Variants in CA5A observed in about 807,000 individuals in gnomAD.
The protein encoded by CA5A is carbonic anhydrase 5A, mitochondrial.
CA5A carries 28 observed loss-of-function variants against 37.1 expected under a neutral mutation model. That is an observed-to-expected ratio of 0.75 (90% CI 0.56 to 1.03). The LOEUF (loss-of-function observed/expected upper bound fraction) is 1.03, where lower values mean the gene tolerates loss of function less well. Ranked by LOEUF, CA5A falls within the 50% of genes least tolerant of loss-of-function variation. The pLI is 0.00. For missense variants in CA5A, 444 were observed against 399.9 expected, an observed-to-expected ratio of 1.11 and a Z score of -0.94; for synonymous variants, 171 against 158.4, an observed-to-expected ratio of 1.08 and a Z score of -0.60.
intron 2 of CA5A, among the ~76,000 whole-genome samples, chr16:87,916,932 C>A (rs1246176738): frequency 2.0e-5 from 3 of 151,934 alleles, no homozygotes; most frequent in African/African-American, 7.3e-5. Context: ...GAAACCCCGT[C>A]TTTACTAAAA....
intron 2 of CA5A, among the ~76,000 whole-genome samples, chr16:87,919,739 C>T (rs1186272415): frequency 1.3e-5 from 2 of 152,152 alleles, no homozygotes; most frequent in African/African-American, 4.8e-5. Flanking sequence ...TACTGGAATT[C>T]CTCACTTGGA....
At chr16:87,908,446 C>G (rs568726430) in intron 2 of CA5A, among the ~76,000 whole-genome samples, 3 of 152,198 alleles carry the variant, frequency 2.0e-5, no homozygotes, top group Admixed American at 6.5e-5. Flanking sequence ...AGTTACTACA[C>G]GTTTCTCCTG....
At chr16:87,889,205 C>A (rs1212024106) in intron 6 of CA5A, among the ~76,000 whole-genome samples, 1 of 151,922 alleles carries the variant, frequency 6.6e-6, no homozygotes, top group Non-Finnish European at 1.5e-5. Context: ...AGGCGTTTAG[C>A]CACTGTGCTA....
At chr16:87,933,000 G>T (rs188176585) in intron 1 of CA5A, among the ~76,000 whole-genome samples, 1 of 152,218 alleles carries the variant, frequency 6.6e-6, no homozygotes, top group African/African-American at 2.4e-5. Flanking sequence ...GCCGTGAGAA[G>T]AACAGGCCTC....
intron 1 of CA5A, among the ~76,000 whole-genome samples, chr16:87,928,621 TACA>T (rs2056348587): frequency 6.6e-6 from 1 of 152,196 alleles, no homozygotes; most frequent in Non-Finnish European, 1.5e-5. Context: ...GTTTCCATTG[TACA>T]GTTACGACAC....
chr16:87,928,355 G>A (rs1476485502), intron 1 of CA5A, among the ~76,000 whole-genome samples: 4 of 152,072 alleles, frequency 2.6e-5, no homozygotes, highest in Non-Finnish European at 5.9e-5. Flanking sequence ...GTAGAGACGA[G>A]GTTTCACTAT....
At chr16:87,921,411 A>C (rs188396082) in intron 2 of CA5A, among the ~76,000 whole-genome samples, 30 of 152,290 alleles carry the variant, frequency 2.0e-4, no homozygotes, top group Admixed American at 1.5e-3. Flanking sequence ...CCGTGTGGGC[A>C]CTTTTTCAGG....
chr16:87,916,620 T>C (rs1481359910), intron 2 of CA5A, among the ~76,000 whole-genome samples: 1 of 152,246 alleles, frequency 6.6e-6, no homozygotes, highest in East Asian at 1.9e-4. Flanking sequence ...TTTATTTTTC[T>C]GTAAACTTGT....
intron 2 of CA5A, among the ~76,000 whole-genome samples, chr16:87,914,193 T>C (rs950666183): frequency 6.6e-6 from 1 of 152,164 alleles, no homozygotes; most frequent in African/African-American, 2.4e-5. Flanking sequence ...AGAAATGTGT[T>C]GTTGCCTGTG....
intron 2 of CA5A, among the ~76,000 whole-genome samples, chr16:87,912,929 C>G (rs1165401424): frequency 6.6e-6 from 1 of 152,016 alleles, no homozygotes; most frequent in Non-Finnish European, 1.5e-5. Flanking sequence ...ACAGGGGCAA[C>G]AGGGTCGGCG....
At chr16:87,884,367 A>C (rs1377437994), downstream of CA5A, 1 of 150,212 alleles carries the variant, frequency 6.7e-6, no homozygotes, top group Admixed American at 6.7e-5. Context: ...TGAGAGTTTG[A>C]GACCAGCCTG....
intron 6 of CA5A, among the ~76,000 whole-genome samples, chr16:87,891,038 G>C (rs112221048): frequency 0.26 from 38,708 of 151,618 alleles, 5,085 homozygotes; most frequent in Middle Eastern, 0.36. Context: ...AAGTGATCTG[G>C]CTGCCTTGGC....
chr16:87,898,857 C>A (rs1044460801), intron 5 of CA5A, among the ~76,000 whole-genome samples: 1 of 151,810 alleles, frequency 6.6e-6, no homozygotes, highest in African/African-American at 2.4e-5. Flanking sequence ...GCCTCAGCCT[C>A]CTGAGTAGCT....
In CA5A at chr16:87,926,738, T is replaced by G. The variant is rs770300985; in HGVS notation, c.340+10A>C. The G allele has an allele frequency of 1.2e-5, 19 of 1,607,858 alleles. No individual in the cohort carries two copies. Among genetic ancestry groups the G allele is most frequent in the Non-Finnish European group, 1.6e-5 (19 of 1,175,324 alleles). On this transcript the variant is annotated intron_variant, in intron 2 of 6. Transcript: ENST00000649794. Reference sequence around the variant, plus strand: ...GAGGACAAAGCCCTCGAGCCCCAGCTGGCACTCACCTGATGCCTCGGTGGC... The same window carrying G: ...GAGGACAAAGCCCTCGAGCCCCAGCGGGCACTCACCTGATGCCTCGGTGGC...
Position 87,926,789 on chromosome 16 carries a change from T to G in CA5A, c.299A>C (p.Tyr100Ser). Reference protein sequence around the residue: ...ASCLYIWNTGYLFQVEFDDAT... With the variant: ...ASCLYIWNTGSLFQVEFDDAT... ...ATCGTCAAATTCCACCTGGAAGAGG[T>G]AGCCAGTGTTCCAGATGTACAGGCA... is the stretch of plus-strand genomic sequence containing the variant. Residue 100 changes from tyrosine to serine, a missense_variant, in exon 2 of 7, where the codon TAC becomes TCC. Tyr to Ser is a moderately radical substitution (Grantham distance 144, BLOSUM62 -2). Transcript: ENST00000649794. 1 of 1,614,078 alleles carries G rather than the reference T, an allele frequency of 6.2e-7. No homozygotes were observed. The highest frequency in any genetic ancestry group is 8.5e-7 in the Non-Finnish European group (1 of 1,179,968).
chr16:87,886,142 AG>A (rs1411905832), downstream of CA5A: 1 of 125,652 alleles, frequency 8.0e-6, no homozygotes, highest in Non-Finnish European at 1.8e-5. Context: ...TTCTGGATCA[AG>A]TTTTTTTTTT....
Position 87,904,904 on chromosome 16 carries a change from C to G in CA5A, c.341G>C (p.Gly114Ala). The G allele has an allele frequency of 6.3e-7, 1 of 1,597,978 alleles. No homozygotes were observed. Among genetic ancestry groups the G allele is most frequent in the Non-Finnish European group, 8.6e-7 (1 of 1,165,312 alleles). ...VEFDDATEAS[G>A]ISGGPLENHY... ...GTTTTCCAAGGGCCCACCACTAATT[C>G]CTGGAAATAAAGGCAGTGAGACGTG... is the stretch of plus-strand genomic sequence containing the variant. The change falls in exon 3 of 7, where the codon GGA becomes GCA. Residue 114 changes from glycine (G) to alanine (A), a missense_variant and splice_region_variant. Gly to Ala is a moderately conservative substitution (Grantham distance 60). Transcript: ENST00000649794.
At chr16:87,904,139 C>A (rs531776819) in intron 3 of CA5A, among the ~76,000 whole-genome samples, 1 of 151,948 alleles carries the variant, frequency 6.6e-6, no homozygotes, top group Non-Finnish European at 1.5e-5. Context: ...GTCAGGAGTT[C>A]GAGACCAGCC....
chr16:87,934,935 A>G (rs915281835), intron 1 of CA5A, among the ~76,000 whole-genome samples: 2 of 152,238 alleles, frequency 1.3e-5, no homozygotes, highest in Non-Finnish European at 2.9e-5. Flanking sequence ...ACTCCAGTCC[A>G]CAGGTGTGGA....
Sources: gnomAD v4.1 joint callset for allele counts (sites outside exome capture counted in the v4.1 genomes callset) on GRCh38, gnomAD v4.1.1 for gene constraint, MANE v1.5 for transcripts, NCBI Gene and HGNC (gene_info 2026-07-23, HGNC 2026-07-21) for gene names.